Variants in RALYL observed in about 807,000 individuals in gnomAD.
The protein encoded by RALYL is RALY RNA binding protein like.
RALYL carries 29 observed loss-of-function variants against 35.1 expected under a neutral mutation model. The observed-to-expected ratio is 0.83, with a 90% CI of 0.61 to 1.13. The LOEUF (loss-of-function observed/expected upper bound fraction) is 1.13, where lower values mean the gene tolerates loss of function less well. Ranked by LOEUF, RALYL falls within the 50% of genes most tolerant of loss-of-function variation. RALYL has a pLI of 0.00. For missense variants in RALYL, 359 were observed against 360.4 expected (o/e 1.00, Z 0.03); for synonymous variants, 120 against 127.6 (o/e 0.94, Z 0.40).
chr8:84,208,507 C>T lies in RALYL; in HGVS notation c.-24+24083C>T, dbSNP rs184889782. Among the ~76,000 whole-genome samples the T allele has an allele frequency of 1.4e-3, 216 of 152,150 alleles. 1 individual carries two copies. Among genetic ancestry groups the T allele is most frequent in the African/African-American group, 4.3e-3 (179 of 41,506 alleles). On this transcript the variant is annotated intron_variant, in intron 1 of 8. Transcript: ENST00000521268. Reference sequence around the variant, plus strand: ...GGTCTGTGATGGTTCTTAATGCCCTCGGAAGGAGCGTAAGCTTTCTGGGAG... The same window carrying T: ...GGTCTGTGATGGTTCTTAATGCCCTTGGAAGGAGCGTAAGCTTTCTGGGAG...
chr8:84,862,087 G>A (rs1362596222), intron 5 of RALYL, among the ~76,000 whole-genome samples: 2 of 152,158 alleles, frequency 1.3e-5, no homozygotes, highest in Non-Finnish European at 2.9e-5. Context: ...ACACTCTAAA[G>A]TCCAGAAAGC....
At chr8:84,496,134 T>C (rs1392726949) in intron 1 of RALYL, among the ~76,000 whole-genome samples, 2 of 152,158 alleles carry the variant, frequency 1.3e-5, no homozygotes, top group Non-Finnish European at 2.9e-5. Context: ...TAGAGGTTTT[T>C]AGTTAATGAG....
chr8:84,381,296 G>T (rs1392594887), intron 1 of RALYL, among the ~76,000 whole-genome samples: 1 of 151,804 alleles, frequency 6.6e-6, no homozygotes, highest in African/African-American at 2.4e-5. Context: ...TCTGTGAATT[G>T]TGTATGTGTG....
chr8:84,845,077 C>A (rs554899051), intron 4 of RALYL, among the ~76,000 whole-genome samples: 43 of 152,140 alleles, frequency 2.8e-4, no homozygotes, highest in Middle Eastern at 3.4e-3. Context: ...ATGTAACTAA[C>A]CTGCACGTTG....
chr8:84,187,379 CTT>C (rs1338054823), intron 1 of RALYL, among the ~76,000 whole-genome samples: 1 of 152,032 alleles, frequency 6.6e-6, no homozygotes, highest in African/African-American at 2.4e-5. Flanking sequence ...AAATGAATAA[CTT>C]TTCATCATTG....
rs1316173286 is a variant in RALYL at position 84,920,949 on chromosome 8, A to G, written c.*38A>G. The G allele has an allele frequency of 7.6e-7, 1 of 1,320,748 alleles. No homozygotes were observed. The highest frequency in any genetic ancestry group is 2.7e-5 in the East Asian group (1 of 36,820). 81.8% of individuals were successfully genotyped at this position (1,320,748 alleles called of 1,614,324 possible). A position where few individuals can be genotyped will look rare whatever the true frequency, so the allele number is the denominator to read the frequency against. On this transcript the variant is annotated 3_prime_UTR_variant, in exon 9 of 9. Coordinates refer to ENST00000521268, the MANE Select transcript of RALYL (RefSeq NM_173848.7). ...CATGATGCCACAAAGCAGAAAAGAG[A>G]AACTGTGACAACCCCCAGAAATGTG...
At chr8:84,390,310 G>T (rs1422318435) in intron 1 of RALYL, among the ~76,000 whole-genome samples, 1 of 151,814 alleles carries the variant, frequency 6.6e-6, no homozygotes, top group East Asian at 1.9e-4. Context: ...TCTCTTTTTT[G>T]GTTGTGTCTC....
chr8:84,648,519 C>A (rs376188710), intron 2 of RALYL, among the ~76,000 whole-genome samples: 1 of 151,970 alleles, frequency 6.6e-6, no homozygotes, highest in Non-Finnish European at 1.5e-5. Flanking sequence ...GATTCTGATT[C>A]CTTTTCCCTG....
intron 1 of RALYL, among the ~76,000 whole-genome samples, chr8:84,321,330 A>G (rs1300978159): frequency 6.6e-6 from 1 of 152,134 alleles, no homozygotes; most frequent in African/African-American, 2.4e-5. Context: ...GAGAAATGAT[A>G]TCTTGGGGCA....
intron 2 of RALYL, chr8:84,679,717 C>A: frequency 3.9e-6 from 2 of 519,452 alleles, no homozygotes; most frequent in Non-Finnish European, 7.8e-6. Context: ...ACCCTCAAGG[C>A]AATATTAAGT....
intron 1 of RALYL, among the ~76,000 whole-genome samples, chr8:84,491,676 A>C (rs988596916): frequency 2.6e-5 from 4 of 152,036 alleles, no homozygotes; most frequent in African/African-American, 7.2e-5. Context: ...CAAACAAACA[A>C]AACAACTTTT....
chr8:84,516,935 C>A (rs1278571874), intron 1 of RALYL, among the ~76,000 whole-genome samples: 2 of 152,174 alleles, frequency 1.3e-5, no homozygotes, highest in African/African-American at 4.8e-5. Context: ...GTTAATAAGA[C>A]ATACATTGAA....
chr8:84,495,805 T>G (rs2055940374), intron 1 of RALYL, among the ~76,000 whole-genome samples: 1 of 152,100 alleles, frequency 6.6e-6, no homozygotes, highest in African/African-American at 2.4e-5. Flanking sequence ...CAGAAGCAAA[T>G]GCATAAAGTG....
intron 3 of RALYL, among the ~76,000 whole-genome samples, chr8:84,792,979 C>T (rs1221004353): frequency 2.0e-5 from 3 of 152,076 alleles, no homozygotes; most frequent in Non-Finnish European, 2.9e-5. Context: ...AGAGATGTCT[C>T]CAAGGTTTTT....
intron 2 of RALYL, among the ~76,000 whole-genome samples, chr8:84,652,485 A>G (rs1326707744): frequency 6.6e-6 from 1 of 152,042 alleles, no homozygotes; most frequent in Non-Finnish European, 1.5e-5. Context: ...TATTATAGCA[A>G]TCCCCTTTCA....
At chr8:84,671,975 A>T (rs912159705) in intron 2 of RALYL, among the ~76,000 whole-genome samples, 1 of 152,202 alleles carries the variant, frequency 6.6e-6, no homozygotes, top group Non-Finnish European at 1.5e-5. Flanking sequence ...CCAAACTGTT[A>T]TGCTCTGCTT....
chr8:84,661,254 C>T (rs532706156), intron 2 of RALYL, among the ~76,000 whole-genome samples: 30 of 152,046 alleles, frequency 2.0e-4, no homozygotes, highest in African/African-American at 6.8e-4. Flanking sequence ...TATAGAGGGA[C>T]CATAAATTAT....
At chr8:84,447,700 C>G (rs1220829400) in intron 1 of RALYL, among the ~76,000 whole-genome samples, 1 of 151,960 alleles carries the variant, frequency 6.6e-6, no homozygotes, top group Admixed American at 6.6e-5. Flanking sequence ...AATGAGGACA[C>G]TTTGTGGGAA....
chr8:84,642,104 G>A (rs1444289752), intron 2 of RALYL, among the ~76,000 whole-genome samples: 1 of 151,852 alleles, frequency 6.6e-6, no homozygotes, highest in Non-Finnish European at 1.5e-5. Flanking sequence ...CATAATACAT[G>A]TATATTACAT....
Sources: gnomAD v4.1 joint callset for allele counts (sites outside exome capture counted in the v4.1 genomes callset) on GRCh38, gnomAD v4.1.1 for gene constraint, MANE v1.5 for transcripts, NCBI Gene and HGNC (gene_info 2026-07-23, HGNC 2026-07-21) for gene names.